LRP1B: variants seen among roughly 807,000 people sequenced by gnomAD.
LRP1B encodes low-density lipoprotein receptor-related protein 1B.
LRP1B carries 217 observed loss-of-function variants against 556.6 expected under a neutral mutation model. The observed-to-expected ratio is 0.39, with a 90% CI of 0.35 to 0.44. The LOEUF is 0.44. Ranked by LOEUF, LRP1B falls within the 20% of genes least tolerant of loss-of-function variation. LRP1B has a pLI of 1.00. For missense variants in LRP1B, 5,053 were observed against 5,620.8 expected (o/e 0.90, Z 3.23); for synonymous variants, 2,047 against 1,865.8 (o/e 1.10, Z -2.50).
At chr2:141,426,573 T>C (rs1377354654) in intron 3 of LRP1B, among the ~76,000 whole-genome samples, 3 of 119,520 alleles carry the variant, frequency 2.5e-5, no homozygotes, top group Admixed American at 8.6e-5. Flanking sequence ...ACCTGAATAT[T>C]TGATAAAAAT....
At chr2:141,731,313 A>G (rs1693265731) in intron 2 of LRP1B, among the ~76,000 whole-genome samples, 1 of 152,052 alleles carries the variant, frequency 6.6e-6, no homozygotes, top group Non-Finnish European at 1.5e-5. Context: ...TGCCTTCAGA[A>G]GGCTCAGAGA....
chr2:141,246,025 A>G (rs944474138), intron 5 of LRP1B, among the ~76,000 whole-genome samples: 1 of 152,210 alleles, frequency 6.6e-6, no homozygotes, highest in Admixed American at 6.6e-5. Flanking sequence ...CATAATGCTT[A>G]TATTATTCTG....
At chr2:141,929,479 T>A (rs574590504) in intron 1 of LRP1B, among the ~76,000 whole-genome samples, 12 of 152,210 alleles carry the variant, frequency 7.9e-5, no homozygotes, top group Non-Finnish European at 1.3e-4. Context: ...TGAACCATTT[T>A]TTTTAAAAGA....
chr2:141,336,657 A>T (rs1687859487), intron 3 of LRP1B, among the ~76,000 whole-genome samples: 1 of 152,288 alleles, frequency 6.6e-6, no homozygotes, highest in East Asian at 1.9e-4. Context: ...TATAATCAGG[A>T]TAGAGAATAA....
chr2:141,508,091 C>CCCG (rs1553523422), intron 2 of LRP1B, among the ~76,000 whole-genome samples: 1 of 148,552 alleles, frequency 6.7e-6, no homozygotes, highest in Admixed American at 6.7e-5. Context: ...ATCCCCCCCC[C>CCCG]AAAAAAAAAG....
chr2:141,846,903 C>T (rs1014979511), intron 1 of LRP1B, among the ~76,000 whole-genome samples: 28 of 151,260 alleles, frequency 1.9e-4, no homozygotes, highest in Admixed American at 6.6e-5. Flanking sequence ...TTTTCTGATG[C>T]GTTTCTTTGA....
chr2:141,645,468 G>C (rs983464188), intron 2 of LRP1B, among the ~76,000 whole-genome samples: 1 of 103,006 alleles, frequency 9.7e-6, no homozygotes, highest in Non-Finnish European at 1.9e-5. Context: ...AGAAGACAAG[G>C]CTTTTTTTTT....
rs1052790314 is a variant in LRP1B, at chr2:141,502,677, G to A, written c.206-22144C>T. ...AGATCGAGACCATCCTGGCCAACAT[G>A]GTGAAACCCCGTCTCTACTAAAAAC... On this transcript the variant is annotated intron_variant, in intron 2 of 90. Coordinates refer to ENST00000389484, the MANE Select transcript of LRP1B (RefSeq NM_018557.3). Among the ~76,000 whole-genome samples the A allele has an allele frequency of 8.6e-5, 13 of 151,956 alleles. 1 individual carries two copies. The East Asian group carries it at 1.8e-3, about 21-fold the overall frequency.
chr2:141,833,493 C>A lies in LRP1B; in HGVS notation c.83-23092G>T, dbSNP rs373813894. On this transcript the variant is annotated intron_variant, in intron 1 of 90. Coordinates refer to ENST00000389484, the MANE Select transcript of LRP1B (RefSeq NM_018557.3). ...CAGGGAAAAGATTTCAAAAATATTT[C>A]AGAGTAAAACAGTGACAGAGTGACA... Among the ~76,000 whole-genome samples, 26 of 151,846 alleles carry A rather than the reference C, an allele frequency of 1.7e-4. No homozygotes were observed. In the East Asian group the frequency reaches 1.9e-3, roughly 11 times the overall value.
intron 2 of LRP1B, among the ~76,000 whole-genome samples, chr2:141,542,852 G>A (rs1438853338): frequency 1.3e-5 from 2 of 151,930 alleles, no homozygotes; most frequent in East Asian, 3.9e-4. Context: ...GTGCCTATTT[G>A]CAGTCCTATT....
intron 7 of LRP1B, among the ~76,000 whole-genome samples, chr2:141,131,503 G>T (rs1357804292): frequency 6.9e-6 from 1 of 145,486 alleles, no homozygotes; most frequent in Non-Finnish European, 1.5e-5. Context: ...ATTGAAAATG[G>T]GTTTAATAAA....
At chr2:141,151,164 C>CT (rs945262244) in intron 7 of LRP1B, among the ~76,000 whole-genome samples, 1 of 152,012 alleles carries the variant, frequency 6.6e-6, no homozygotes, top group African/African-American at 2.4e-5. Flanking sequence ...CTAGCCAATG[C>CT]TATGTGGAGG....
intron 3 of LRP1B, among the ~76,000 whole-genome samples, chr2:141,351,370 A>C (rs1389771274): frequency 1.3e-5 from 2 of 151,968 alleles, no homozygotes; most frequent in Non-Finnish European, 2.9e-5. Flanking sequence ...TACCTTCCAC[A>C]TTCATTTTCC....
At chr2:140,403,058 G>A (rs1345606169) in intron 66 of LRP1B, among the ~76,000 whole-genome samples, 1 of 151,634 alleles carries the variant, frequency 6.6e-6, no homozygotes, top group Non-Finnish European at 1.5e-5. Context: ...AAAGCATCAG[G>A]AACCAAATTA....
At chr2:140,500,430 T>C (rs1430571419) in intron 55 of LRP1B, among the ~76,000 whole-genome samples, 1 of 151,952 alleles carries the variant, frequency 6.6e-6, no homozygotes, top group East Asian at 1.9e-4. Flanking sequence ...GCAGGAACAA[T>C]GGCCCCACAT....
intron 52 of LRP1B, among the ~76,000 whole-genome samples, chr2:140,508,070 C>T (rs996195075): frequency 7.2e-5 from 11 of 152,038 alleles, no homozygotes. Context: ...CAGTTCACTA[C>T]AATATTGTGG....
At chr2:141,721,367 G>A (rs1485580816) in intron 2 of LRP1B, among the ~76,000 whole-genome samples, 2 of 152,070 alleles carry the variant, frequency 1.3e-5, no homozygotes, top group East Asian at 3.9e-4. Context: ...GTTGTTGCTT[G>A]TATTAATTTG....
intron 66 of LRP1B, among the ~76,000 whole-genome samples, chr2:140,390,013 C>T (rs1683945478): frequency 6.6e-6 from 1 of 151,816 alleles, no homozygotes; most frequent in African/African-American, 2.4e-5. Flanking sequence ...GCCTGCAGTC[C>T]CAGCTACTTG....
chr2:141,447,540 T>C (rs896564203), intron 3 of LRP1B, among the ~76,000 whole-genome samples: 17 of 152,178 alleles, frequency 1.1e-4, no homozygotes, highest in African/African-American at 4.1e-4. Flanking sequence ...TTCCTCATGT[T>C]CATGGATTTA....
Sources: allele counts gnomAD v4.1 joint callset (sites outside exome capture counted in the v4.1 genomes callset), GRCh38; gene constraint gnomAD v4.1.1; transcripts MANE v1.5; gene names NCBI Gene and HGNC (gene_info 2026-07-23, HGNC 2026-07-21).